CORO7: variants seen among roughly 807,000 people sequenced by gnomAD.
The protein encoded by CORO7 is coronin-7.
In CORO7, 107 loss-of-function variants were observed where a neutral mutation model predicts 126.6. The ratio of observed to expected loss-of-function variants is 0.85; its 90% CI spans 0.72 to 0.99. CORO7 has a LOEUF of 0.99. CORO7 is among the 50% of genes least tolerant of loss of function. CORO7 has a pLI of 0.00. For synonymous variants in CORO7, 603 were observed against 536.8 expected, an observed-to-expected ratio of 1.12 and a Z score of -1.70; for missense variants, 1,314 against 1,255.8, an observed-to-expected ratio of 1.05 and a Z score of -0.70.
chr16:4,361,548 A>T, intron 16 of CORO7, 79 bp from the exon 17 acceptor site: 1 of 1,506,554 alleles, frequency 6.6e-7, no homozygotes. Context: ...GGCAAGCAGC[A>T]TGTCTGGGAG....
chr16:4,363,634 A>C (rs1197114074), intron 14 of CORO7, among the ~76,000 whole-genome samples: 1 of 150,852 alleles, frequency 6.6e-6, no homozygotes, highest in East Asian at 2.0e-4. Context: ...ATTGCTTGAA[A>C]CTGGGAGGCG....
In CORO7 at chr16:4,413,520, G is replaced by C. The variant is rs566093865; in HGVS notation, c.61-116C>G. 19 of 868,020 alleles carry C rather than the reference G, an allele frequency of 2.2e-5. No individual in the cohort carries two copies. In the African/African-American group the frequency reaches 3.3e-4, roughly 15 times the overall value. 53.8% of individuals were successfully genotyped at this position (868,020 alleles called of 1,614,324 possible). A position where few individuals can be genotyped will look rare whatever the true frequency, so the allele number is the denominator to read the frequency against. ...ACTCTAGCTCACAGCTGCACCATTC[G>C]AGATGCATTCTTTTATTTACTTTTT... On this transcript the variant is annotated intron_variant, in intron 1 of 27. Coordinates refer to ENST00000251166, the MANE Select transcript of CORO7 (RefSeq NM_024535.5).
chr16:4,413,181 T>G (rs984664656), intron 2 of CORO7, 127 bp downstream of exon 2: 2 of 974,968 alleles, frequency 2.1e-6, no homozygotes, highest in African/African-American at 1.7e-5. Flanking sequence ...GGCTCACCTC[T>G]GAGCCCCCCA....
At chr16:4,368,643 G>T (rs978099568) in intron 9 of CORO7, among the ~76,000 whole-genome samples, 4 of 151,392 alleles carry the variant, frequency 2.6e-5, no homozygotes, top group Non-Finnish European at 5.9e-5. Context: ...AGCTACTCAG[G>T]AGGCTGAGGC....
At position 4,357,237 on chromosome 16, in the gene CORO7, G is replaced by C; in HGVS notation, c.2616C>G (p.Ala872=). ...MSPVSQAPRE[A]PARRAPSSAQ... is the part of the protein sequence containing the mutation. ...CTGAGGATGGGGCCCGACGAGCAGG[G>C]GCCTCTCGGGGGGCTTGGCTCACTG... Residue 872 remains alanine, a synonymous_variant, in exon 26 of 28, where the codon GCC becomes GCG. Coordinates refer to ENST00000251166, the MANE Select transcript of CORO7 (RefSeq NM_024535.5). 6.2e-7 allele frequency: 1 copy of C among 1,613,658 alleles called. No individual in the cohort carries two copies.
At chr16:4,414,892 C>T (rs1274809030) in intron 1 of CORO7, among the ~76,000 whole-genome samples, 2 of 152,138 alleles carry the variant, frequency 1.3e-5, no homozygotes, top group South Asian at 2.1e-4. Context: ...GACAGTGTCT[C>T]ACTCTATTGC....
intron 9 of CORO7, among the ~76,000 whole-genome samples, chr16:4,385,620 G>A (rs1177208462): frequency 6.6e-6 from 1 of 152,166 alleles, no homozygotes; most frequent in Non-Finnish European, 1.5e-5. Flanking sequence ...AGCACACAAA[G>A]TGCTGGGCAG....
rs149987748 is a variant in CORO7, at chr16:4,361,064, G to A, written c.1796C>T (p.Ser599Phe). 34 of 1,613,238 alleles carry A rather than the reference G, an allele frequency of 2.1e-5. No homozygotes were observed. The African/African-American group carries it at 3.3e-4, about 16-fold the overall frequency. ...GGCTGCCAGTGGGTGGAAGCGCAGG[G>A]AGCAGATCTTCTCCGTGTGGCCTGG... ...VLTGHTEKIC[S>F]LRFHPLAANV... The change falls in exon 19 of 28, where the codon TCC becomes TTC. Residue 599 changes from serine to phenylalanine, a missense_variant. Coordinates refer to ENST00000251166, the MANE Select transcript of CORO7 (RefSeq NM_024535.5).
chr16:4,365,464 G>A lies in CORO7; in HGVS notation c.840+27C>T, dbSNP rs761910942. 3 of 1,545,356 alleles carry A rather than the reference G, an allele frequency of 1.9e-6. No homozygotes were observed. In the Admixed American group the frequency reaches 5.9e-5, roughly 30 times the overall value. On this transcript the variant is annotated intron_variant, in intron 10 of 27. Transcript: ENST00000251166. The stretch of plus-strand genomic sequence containing the variant: ...GGGCTGGACTCCAGGCTGTGGATGT[G>A]GGTGGGAGCCCCAGCTTCTCACTCA...
At chr16:4,387,943 G>T (rs114763488) in intron 9 of CORO7, 43 bp downstream of exon 9, 2 of 1,608,216 alleles carry the variant, frequency 1.2e-6, no homozygotes, top group Non-Finnish European at 1.7e-6. Context: ...GCGGCGCCTT[G>T]GGTCATCAGC....
chr16:4,370,419 G>A (rs528285931), intron 9 of CORO7, among the ~76,000 whole-genome samples: 1 of 152,348 alleles, frequency 6.6e-6, no homozygotes, highest in African/African-American at 2.4e-5. Flanking sequence ...GAGAGTTCCT[G>A]TTCAATGCAA....
At chr16:4,380,804 TG>T in intron 9 of CORO7, 1 of 1,407,014 alleles carries the variant, frequency 7.1e-7, no homozygotes, top group Non-Finnish European at 9.3e-7. Context: ...TGGCTCTTCC[TG>T]GCGTGTCTGC....
rs201837107 is a variant in CORO7, at chr16:4,364,754, C to G, written c.1044+21G>C. ...CCCCGACTCCCCAGCCCCCGCAGTC[C>G]CTCGCCCAAGTCCCCCTCACCTTGC... On this transcript the variant is annotated intron_variant, in intron 12 of 27. Transcript: ENST00000251166. 6.1e-5 allele frequency: 98 copies of G among 1,605,858 alleles called. 1 individual carries two copies. In the African/African-American group the frequency reaches 1.1e-3, roughly 19 times the overall value.
rs1190842146 is a variant in CORO7, at chr16:4,382,754, G to C, written c.785+5232C>G. 4 of 1,560,350 alleles carry C rather than the reference G, an allele frequency of 2.6e-6. No individual in the cohort carries two copies. The South Asian group carries it at 4.7e-5, about 18-fold the overall frequency. The stretch of plus-strand genomic sequence containing the variant: ...GGGGCTGGGCCCCTGGAACTGGAGG[G>C]AGTGAAGGTCCCCTTGGAGCCAGGC... On this transcript the variant is annotated intron_variant, in intron 9 of 27. Coordinates refer to ENST00000251166, the MANE Select transcript of CORO7 (RefSeq NM_024535.5).
chr16:4,386,195 G>T (rs2055188238), intron 9 of CORO7, among the ~76,000 whole-genome samples: 1 of 152,190 alleles, frequency 6.6e-6, no homozygotes, highest in Non-Finnish European at 1.5e-5. Flanking sequence ...CACCCATCTG[G>T]GAGTGATTTG....
chr16:4,372,671 G>A (rs185688189), intron 9 of CORO7, among the ~76,000 whole-genome samples: 1 of 152,320 alleles, frequency 6.6e-6, no homozygotes, highest in African/African-American at 2.4e-5. Context: ...TGTGTCCCTG[G>A]GCTGGCAGTG....
intron 9 of CORO7, among the ~76,000 whole-genome samples, chr16:4,365,874 C>T (rs890367428): frequency 6.6e-6 from 1 of 152,210 alleles, no homozygotes; most frequent in Non-Finnish European, 1.5e-5. Context: ...GCCCCTCCCA[C>T]CTTCGACAGC....
intron 24 of CORO7, 50 bp from the exon 25 acceptor site, chr16:4,358,153 G>A (rs762764943): frequency 1.3e-6 from 2 of 1,584,028 alleles, no homozygotes; most frequent in Non-Finnish European, 8.6e-7. Flanking sequence ...GGTGCCCAGG[G>A]CACACGGGCA....
chr16:4,359,230 C>A, intron 23 of CORO7, 66 bp downstream of exon 23: 2 of 1,498,610 alleles, frequency 1.3e-6, no homozygotes, highest in Non-Finnish European at 1.8e-6. Flanking sequence ...TACTTGCCCA[C>A]ATGGCCACCA....
Sources: gnomAD v4.1 joint callset for allele counts (sites outside exome capture counted in the v4.1 genomes callset) on GRCh38, gnomAD v4.1.1 for gene constraint, MANE v1.5 for transcripts, NCBI Gene and HGNC (gene_info 2026-07-23, HGNC 2026-07-21) for gene names.